ZYG11B: variants seen among roughly 807,000 people sequenced by gnomAD.
ZYG11B encodes protein zyg-11 homolog B.
ZYG11B carries 36 observed loss-of-function variants against 82.4 expected under a neutral mutation model. That is an observed-to-expected ratio of 0.44 (90% CI 0.33 to 0.58). ZYG11B has a LOEUF of 0.58. Among genes scored for constraint, ZYG11B ranks in the 20% least tolerant of loss-of-function variants. The pLI is 0.02. For missense variants in ZYG11B, 552 were observed against 895.6 expected (o/e 0.62, Z 4.90); for synonymous variants, 303 against 312.8 (o/e 0.97, Z 0.33).
intron 2 of ZYG11B, among the ~76,000 whole-genome samples, chr1:52,767,240 TTA>T (rs1644704469): frequency 6.6e-6 from 1 of 151,666 alleles, no homozygotes; most frequent in Non-Finnish European, 1.5e-5. Context: ...TTATTTTATT[TTA>T]TGTTGTTATT....
chr1:52,783,863 TG>T (rs1201122548), intron 4 of ZYG11B, among the ~76,000 whole-genome samples: 1 of 147,062 alleles, frequency 6.8e-6, no homozygotes, highest in Admixed American at 6.8e-5. Flanking sequence ...TGTGTGTGTA[TG>T]TACATACACG....
rs1571787888 is a variant in ZYG11B at position 52,797,468 on chromosome 1, T to TATATTATATATGATATATAATATAATAA, written c.1485+686_1485+687insATTATATATGATATATAATATAATAAAT. Among the ~76,000 whole-genome samples, 18 of 110,550 alleles carry TATATTATATATGATATATAATATAATAA rather than the reference T, an allele frequency of 1.6e-4. No individual in the cohort carries two copies. The East Asian group carries it at 3.6e-3, about 22-fold the overall frequency. The allele number at this position is 110,550 out of a possible 152,430, so 72.5% of individuals were successfully genotyped here. A position where few individuals can be genotyped will look rare whatever the true frequency, so the allele number is the denominator to read the frequency against. ...TATTATATATCATATATGATATATA[T>TATATTATATATGATATATAATATAATAA]ATTATATATGATATATAATATGTAT... On this transcript the variant is annotated intron_variant, in intron 8 of 13. Coordinates refer to ENST00000294353, the MANE Select transcript of ZYG11B (RefSeq NM_024646.3).
intron 10 of ZYG11B, among the ~76,000 whole-genome samples, chr1:52,802,340 CTTTTT>C (rs397980205): frequency 1.4e-4 from 11 of 78,074 alleles, no homozygotes; most frequent in South Asian, 4.7e-4. Flanking sequence ...TTCTTTCTCT[CTTTTT>C]TTTTTTTTTT....
At chr1:52,760,530 A>G (rs1000424622) in intron 2 of ZYG11B, among the ~76,000 whole-genome samples, 2 of 152,232 alleles carry the variant, frequency 1.3e-5, no homozygotes, top group Non-Finnish European at 2.9e-5. Flanking sequence ...AATGTTTAAC[A>G]TATACATTTA....
chr1:52,816,407 C>G (rs2149966679), intron 12 of ZYG11B, 125 bp from the exon 13 acceptor site: 2 of 649,098 alleles, frequency 3.1e-6, no homozygotes, highest in East Asian at 5.5e-5. Context: ...TATTCTATAG[C>G]TCATTTATAT....
At chr1:52,817,813 A>ATATATATG (rs1645247362) in intron 13 of ZYG11B, among the ~76,000 whole-genome samples, 1 of 34,390 alleles carries the variant, frequency 2.9e-5, no homozygotes, top group Non-Finnish European at 4.8e-5. Flanking sequence ...ATATATATAT[A>ATATATATG]TATTTTTTTT....
chr1:52,740,565 CTTTT>C (rs57309331), intron 1 of ZYG11B, among the ~76,000 whole-genome samples: 42 of 124,962 alleles, frequency 3.4e-4, no homozygotes, highest in African/African-American at 1.2e-3. Flanking sequence ...GTACTACCTT[CTTTT>C]TTTTTTTTTT....
chr1:52,740,800 A>G (rs1459939766), intron 1 of ZYG11B, among the ~76,000 whole-genome samples: 1 of 149,470 alleles, frequency 6.7e-6, no homozygotes, highest in Admixed American at 6.7e-5. Flanking sequence ...CTTGGCCTCA[A>G]GTGATCTGCT....
chr1:52,754,129 G>T (rs987948709), intron 1 of ZYG11B, among the ~76,000 whole-genome samples: 1 of 149,516 alleles, frequency 6.7e-6, no homozygotes, highest in Non-Finnish European at 1.5e-5. Context: ...GGGTTCAAGC[G>T]ATTCTCCTGC....
intron 1 of ZYG11B, among the ~76,000 whole-genome samples, chr1:52,750,342 G>A (rs1248556134): frequency 1.3e-5 from 2 of 151,336 alleles, no homozygotes; most frequent in African/African-American, 2.4e-5. Flanking sequence ...GCGCAATCTC[G>A]GCTCACTGCA....
At chr1:52,770,825 T>C (rs566018015) in intron 2 of ZYG11B, among the ~76,000 whole-genome samples, 195 bp from the exon 3 acceptor site, 24 of 152,312 alleles carry the variant, frequency 1.6e-4, no homozygotes, top group African/African-American at 5.8e-4. Context: ...AGCCCTGTGA[T>C]CTTGGAAAGC....
intron 13 of ZYG11B, 81 bp downstream of exon 13, chr1:52,816,710 G>T: frequency 1.1e-6 from 1 of 945,508 alleles, no homozygotes; most frequent in Non-Finnish European, 1.6e-6. Flanking sequence ...TCTAAATTGT[G>T]TATTAAAGTG....
At chr1:52,753,136 G>T (rs187798382) in intron 1 of ZYG11B, among the ~76,000 whole-genome samples, 5 of 152,110 alleles carry the variant, frequency 3.3e-5, no homozygotes, top group Non-Finnish European at 7.3e-5. Flanking sequence ...GTGAGCTGCC[G>T]TGCCTGACCT....
chr1:52,826,769 T>G lies in ZYG11B; in HGVS notation c.*5140T>G, dbSNP rs1205738651. The G allele has an allele frequency of 6.6e-6, 1 of 152,198 alleles. No homozygotes were observed. Among genetic ancestry groups the G allele is most frequent in the African/African-American group, 2.4e-5 (1 of 41,464 alleles). The allele number at this position is 152,198 out of a possible 1,614,324, so 9.4% of individuals were successfully genotyped here. On this transcript the variant is annotated 3_prime_UTR_variant, in exon 14 of 14. Transcript: ENST00000294353. ...ATTAAGAATATTTCCAAAATCCAAG[T>G]TTATCAAAATTATTTTGTGGGAAAT...
In ZYG11B at chr1:52,822,831, G is replaced by T. The variant is rs540129208; in HGVS notation, c.*1202G>T. 1 of 152,066 alleles carries T rather than the reference G, an allele frequency of 6.6e-6. No individual in the cohort carries two copies. Among genetic ancestry groups the T allele is most frequent in the African/African-American group, 2.4e-5 (1 of 41,424 alleles). The allele number at this position is 152,066 out of a possible 1,614,324, so 9.4% of individuals were successfully genotyped here. ...AAGGTATCTGATACAGTATAGTAAA[G>T]AATCACTTATATCAGTAATAGCACT... On this transcript the variant is annotated 3_prime_UTR_variant, in exon 14 of 14. Coordinates refer to ENST00000294353, the MANE Select transcript of ZYG11B (RefSeq NM_024646.3).
chr1:52,756,657 T>G, intron 2 of ZYG11B, 34 bp downstream of exon 2: 1 of 1,582,398 alleles, frequency 6.3e-7, no homozygotes, highest in Non-Finnish European at 8.6e-7. Flanking sequence ...AAAAATTATG[T>G]GCTGTTAATT....
intron 1 of ZYG11B, among the ~76,000 whole-genome samples, chr1:52,740,720 C>A (rs376264993): frequency 1.0e-3 from 154 of 151,928 alleles, no homozygotes; most frequent in Middle Eastern, 6.8e-3. Flanking sequence ...TGCGCCACCA[C>A]CCTTAGCTAA....
intron 1 of ZYG11B, 109 bp from the exon 2 acceptor site, chr1:52,756,349 A>C: frequency 2.0e-6 from 2 of 1,022,316 alleles, no homozygotes; most frequent in South Asian, 3.1e-5. Flanking sequence ...TATGATAGAC[A>C]CTAAAGAAAT....
At chr1:52,748,212 T>C (rs9988539) in intron 1 of ZYG11B, among the ~76,000 whole-genome samples, 90,684 of 151,978 alleles carry the variant, frequency 0.6, 29,748 homozygotes, top group East Asian at 0.97. Flanking sequence ...TAATTGTGCT[T>C]GGCTCAGGAT....
Sources: gnomAD v4.1 joint callset for allele counts (sites outside exome capture counted in the v4.1 genomes callset) on GRCh38, gnomAD v4.1.1 for gene constraint, MANE v1.5 for transcripts, NCBI Gene and HGNC (gene_info 2026-07-23, HGNC 2026-07-21) for gene names.